The following GTF3C5 variants were observed in gnomAD, a reference collection of about 807,000 sequenced individuals.
The protein encoded by GTF3C5 is general transcription factor IIIC subunit 5, also known as general transcription factor 3C polypeptide 5.
GTF3C5 carries 47 observed loss-of-function variants against 61.0 expected under a neutral mutation model. The ratio of observed to expected loss-of-function variants is 0.77; its 90% CI spans 0.61 to 0.98. GTF3C5 has a LOEUF of 0.98. Among genes scored for constraint, GTF3C5 ranks in the 50% least tolerant of loss-of-function variants. The pLI, the probability that GTF3C5 is intolerant of heterozygous loss-of-function variation, is 0.00. For synonymous variants in GTF3C5, 295 were observed against 275.4 expected (o/e 1.07, Z -0.71); for missense variants, 659 against 703.3 (o/e 0.94, Z 0.71).
At chr9:133,032,595 C>T (rs1849762313) in intron 1 of GTF3C5, among the ~76,000 whole-genome samples, 1 of 152,196 alleles carries the variant, frequency 6.6e-6, no homozygotes, top group Admixed American at 6.5e-5. Flanking sequence ...TAGCATGTCT[C>T]GACTTTGCTG....
At chr9:133,045,188 C>A (rs1480490549) in intron 3 of GTF3C5, among the ~76,000 whole-genome samples, 1 of 152,164 alleles carries the variant, frequency 6.6e-6, no homozygotes, top group Non-Finnish European at 1.5e-5. Flanking sequence ...ATTGACCAGC[C>A]ACACTGCCAG....
chr9:133,043,942 A>C lies in GTF3C5; in HGVS notation c.572+16A>C. 1 of 1,594,600 alleles carries C rather than the reference A, an allele frequency of 6.3e-7. No individual in the cohort carries two copies. The highest frequency in any genetic ancestry group is 8.6e-7 in the Non-Finnish European group (1 of 1,163,190). On this transcript the variant is annotated intron_variant, in intron 3 of 10. Coordinates refer to ENST00000372097, the MANE Select transcript of GTF3C5 (RefSeq NM_012087.4). ...CCCAGCACCGGTAAGGCCCCCCTCC[A>C]TGCAGCCTCGGTTCTCTATCCTGAA...
chr9:133,042,691 A>ACCT (rs1310197018), intron 2 of GTF3C5, among the ~76,000 whole-genome samples: 1 of 151,856 alleles, frequency 6.6e-6, no homozygotes, highest in South Asian at 2.1e-4. Context: ...GCCCCTTGGG[A>ACCT]CCTCCTCCTC....
chr9:133,033,260 G>A (rs1564193614), intron 1 of GTF3C5, among the ~76,000 whole-genome samples: 1 of 152,230 alleles, frequency 6.6e-6, no homozygotes, highest in East Asian at 1.9e-4. Flanking sequence ...GAACCACGGG[G>A]GGCATCTCTT....
At chr9:133,044,127 A>C in intron 3 of GTF3C5, 1 of 249,500 alleles carries the variant, frequency 4.0e-6, no homozygotes, top group Non-Finnish European at 7.4e-6. Flanking sequence ...CCCGGGTGAC[A>C]GAGTGAGACT....
chr9:133,055,591 G>T (rs1415897161), intron 8 of GTF3C5: 2 of 985,318 alleles, frequency 2.0e-6, no homozygotes, highest in Non-Finnish European at 2.4e-6. Flanking sequence ...CACTCACTAA[G>T]CCCTGCTTTT....
intron 3 of GTF3C5, among the ~76,000 whole-genome samples, chr9:133,046,323 C>G (rs1384350722): frequency 1.3e-5 from 2 of 152,156 alleles, no homozygotes; most frequent in Non-Finnish European, 2.9e-5. Context: ...GAACAAAACC[C>G]TGTCTCAATA....
chr9:133,041,983 G>A lies in GTF3C5; in HGVS notation c.154-104G>A, dbSNP rs1004162990. Reference sequence around the variant, plus strand: ...CCCAGAATGAAACATGAGCCTCCTGGCCTTTCCTGGATCACCGTCAGGCTT... The same window carrying A: ...CCCAGAATGAAACATGAGCCTCCTGACCTTTCCTGGATCACCGTCAGGCTT... On this transcript the variant is annotated intron_variant, in intron 1 of 10. Coordinates refer to ENST00000372097, the MANE Select transcript of GTF3C5 (RefSeq NM_012087.4). 6 of 743,856 alleles carry A rather than the reference G, an allele frequency of 8.1e-6. No homozygotes were observed. In the African/African-American group the frequency reaches 1.1e-4, roughly 13 times the overall value. The allele number at this position is 743,856 out of a possible 1,614,324, so 46.1% of individuals were successfully genotyped here.
intron 1 of GTF3C5, 47 bp from the exon 2 acceptor site, chr9:133,042,040 G>T (rs1433350077): frequency 1.5e-6 from 2 of 1,376,176 alleles, no homozygotes; most frequent in African/African-American, 1.4e-5. Context: ...CCCACTGGCT[G>T]CTTGGCTTGT....
At chr9:133,045,428 G>A (rs549854290) in intron 3 of GTF3C5, among the ~76,000 whole-genome samples, 16 of 152,240 alleles carry the variant, frequency 1.1e-4, no homozygotes, top group Middle Eastern at 6.8e-3. Context: ...CTAAAATGAC[G>A]CACAAAAAGA....
In GTF3C5 at chr9:133,031,192, A is replaced by T. The variant is rs1195009459; in HGVS notation, c.153+28A>T. The T allele has an allele frequency of 2.0e-6, 3 of 1,531,352 alleles. No individual in the cohort carries two copies. The African/African-American group carries it at 4.2e-5, about 21-fold the overall frequency. The allele number at this position is 1,531,352 out of a possible 1,614,324, so 94.9% of individuals were successfully genotyped here. A position where few individuals can be genotyped will look rare whatever the true frequency, so the allele number is the denominator to read the frequency against. On this transcript the variant is annotated intron_variant, in intron 1 of 10. Coordinates refer to ENST00000372097, the MANE Select transcript of GTF3C5 (RefSeq NM_012087.4). Reference sequence around the variant, plus strand: ...AAGGGGCTGGGAATCTCGGTGTTGGAATAAGAGCTCGGAGTCGCAAAGAAA... The same window carrying T: ...AAGGGGCTGGGAATCTCGGTGTTGGTATAAGAGCTCGGAGTCGCAAAGAAA...
chr9:133,053,648 T>C (rs1829828675), intron 5 of GTF3C5, among the ~76,000 whole-genome samples, 180 bp from the exon 6 acceptor site: 1 of 152,072 alleles, frequency 6.6e-6, no homozygotes, highest in Admixed American at 6.5e-5. Context: ...AAGACCAAGG[T>C]TTGGAAAGGC....
intron 1 of GTF3C5, among the ~76,000 whole-genome samples, chr9:133,033,856 G>A (rs1197634255): frequency 6.6e-6 from 1 of 152,152 alleles, no homozygotes; most frequent in East Asian, 1.9e-4. Flanking sequence ...TTTGCTTTAG[G>A]TCTCTTACTT....
chr9:133,048,704 C>T (rs1195570056), intron 3 of GTF3C5, among the ~76,000 whole-genome samples: 2 of 152,200 alleles, frequency 1.3e-5, no homozygotes, highest in Non-Finnish European at 2.9e-5. Flanking sequence ...AGCACTGCCG[C>T]CCCTGGCACT....
At chr9:133,045,340 G>A (rs1384446707) in intron 3 of GTF3C5, among the ~76,000 whole-genome samples, 5 of 152,182 alleles carry the variant, frequency 3.3e-5, no homozygotes, top group East Asian at 1.9e-4. Context: ...CGGCAGCACC[G>A]CCCTGGTCTC....
rs1239171191 is a variant in GTF3C5, at chr9:133,043,758, A to G, written c.404A>G (p.His135Arg). 4.3e-6 allele frequency: 7 copies of G among 1,614,064 alleles called. No individual in the cohort carries two copies. The highest frequency in any genetic ancestry group is 1.3e-5 in the African/African-American group (1 of 74,928). Residue 135 changes from histidine to arginine, a missense_variant, in exon 3 of 11, where the codon CAT becomes CGT. Physicochemically the swap from His to Arg is conservative, Grantham distance 29 (BLOSUM62 0). Coordinates refer to ENST00000372097, the MANE Select transcript of GTF3C5 (RefSeq NM_012087.4). The part of the protein sequence containing the change: ...GMSDFQYLAV[H>R]TEAGGKHTSM... ...TCTGACTTCCAGTACTTGGCTGTGC[A>G]TACGGAAGCAGGCGGCAAGCATACG...
intron 1 of GTF3C5, among the ~76,000 whole-genome samples, chr9:133,040,408 C>A (rs553743505): frequency 4.6e-4 from 70 of 152,212 alleles, no homozygotes; most frequent in African/African-American, 1.5e-3. Flanking sequence ...TCGTTGTGAC[C>A]CAGCATTGGG....
At position 133,054,797 on chromosome 9, in the gene GTF3C5, G is replaced by A. The variant is rs35181097; in HGVS notation, c.1155G>A (p.Lys385=). 2.3e-3 allele frequency: 3,568 copies of A among 1,575,992 alleles called. 68 individuals carry two copies. The African/African-American group carries it at 0.041, about 18-fold the overall frequency. ...GTGCTCGGAAACCAGCTTCCAGCAAGTACAAGCTCAAGGTGGGCGCCCCTG... is the reference window on the plus strand; with the variant it reads ...GTGCTCGGAAACCAGCTTCCAGCAAATACAAGCTCAAGGTGGGCGCCCCTG... ...TSGARKPASS[K]YKLKDSVYIF... is the part of the protein sequence containing the mutation. The change falls in exon 8 of 11, where the codon AAG becomes AAA. Residue 385 remains lysine (K), a synonymous_variant. Coordinates refer to ENST00000372097, the MANE Select transcript of GTF3C5 (RefSeq NM_012087.4).
chr9:133,057,133 C>CGGGGCAGGAGACAAGCCCAGA (rs1488921085), intron 10 of GTF3C5, among the ~76,000 whole-genome samples: 25 of 152,228 alleles, frequency 1.6e-4, no homozygotes, highest in Non-Finnish European at 1.0e-4. Context: ...CCCTGCGGTC[C>CGGGGCAGGAGACAAGCCCAGA]GGGGCAGGAG....
Sources: gnomAD v4.1 joint callset for allele counts (sites outside exome capture counted in the v4.1 genomes callset) on GRCh38, gnomAD v4.1.1 for gene constraint, MANE v1.5 for transcripts, NCBI Gene and HGNC (gene_info 2026-07-23, HGNC 2026-07-21) for gene names.